PHF2: variants seen among roughly 807,000 people sequenced by gnomAD.
PHF2 encodes the protein PHD finger protein 2.
PHF2 carries 27 observed loss-of-function variants against 120.5 expected under a neutral mutation model. The ratio of observed to expected loss-of-function variants is 0.22; its 90% CI spans 0.17 to 0.31. PHF2 has a LOEUF of 0.31. Ranked by LOEUF, PHF2 falls within the 10% of genes least tolerant of loss-of-function variation. The pLI is 1.00. For synonymous variants in PHF2, 568 were observed against 592.5 expected (o/e 0.96, Z 0.60); for missense variants, 1,024 against 1,434.8 (o/e 0.71, Z 4.63).
At chr9:93,587,472 G>A (rs545227969) in intron 1 of PHF2, among the ~76,000 whole-genome samples, 5 of 150,048 alleles carry the variant, frequency 3.3e-5, no homozygotes, top group Non-Finnish European at 5.9e-5. Context: ...GGATGGAGGA[G>A]CCCCGGGTGA....
At chr9:93,666,803 A>G (rs2118046091) in intron 16 of PHF2, among the ~76,000 whole-genome samples, 1 of 152,294 alleles carries the variant, frequency 6.6e-6, no homozygotes, top group Non-Finnish European at 1.5e-5. Context: ...GTGAGCCTGT[A>G]GTCCCAGCTA....
intron 3 of PHF2, among the ~76,000 whole-genome samples, chr9:93,638,248 T>C (rs1826123355): frequency 6.6e-6 from 1 of 152,216 alleles, no homozygotes; most frequent in South Asian, 2.1e-4. Context: ...CTTTTTACTT[T>C]CTTGATAGTG....
chr9:93,649,995 CGTG>C (rs1050866510), intron 5 of PHF2, among the ~76,000 whole-genome samples: 11 of 150,934 alleles, frequency 7.3e-5, no homozygotes, highest in East Asian at 5.8e-4. Context: ...CTCACCAACA[CGTG>C]GTACACTCAC....
chr9:93,599,760 G>A (rs1276067837), intron 1 of PHF2, among the ~76,000 whole-genome samples: 2 of 152,212 alleles, frequency 1.3e-5, no homozygotes, highest in African/African-American at 2.4e-5. Flanking sequence ...AGGGGGATTC[G>A]GAGCACGAAA....
Position 93,660,472 on chromosome 9 carries a change from C to T in PHF2, c.1610C>T (p.Ser537Leu), listed in dbSNP as rs1299839263. The change falls in exon 12 of 22, where the codon TCA (serine) becomes TTA (leucine). Residue 537 changes from serine (S) to leucine (L), a missense_variant. Ser to Leu is a moderately radical substitution (Grantham distance 145). Around this residue, in one of 2 missense-constraint regions of PHF2, gnomAD observed 677 missense variants for 857.4 expected, o/e 0.79. Transcript: ENST00000359246. The stretch of plus-strand genomic sequence containing the variant: ...AAGAAAGGGAAGAAGTCCCGGGAGT[C>T]AGCCTCACCCACCATCCCCAACCTG... ...GKKKGKKSRE[S>L]ASPTIPNLDL... 1 of 1,591,150 alleles carries T rather than the reference C, an allele frequency of 6.3e-7. No individual in the cohort carries two copies. The highest frequency in any genetic ancestry group is 1.8e-5 in the Admixed American group (1 of 56,768).
At chr9:93,597,210 T>G (rs1345791207) in intron 1 of PHF2, among the ~76,000 whole-genome samples, 5 of 152,184 alleles carry the variant, frequency 3.3e-5, no homozygotes, top group African/African-American at 1.2e-4. Context: ...ATTACAGGTG[T>G]GAGCCATCGC....
At chr9:93,662,226 G>T (rs1162298253) in intron 12 of PHF2, among the ~76,000 whole-genome samples, 2 of 151,936 alleles carry the variant, frequency 1.3e-5, no homozygotes, top group Non-Finnish European at 2.9e-5. Context: ...TGAACAAATG[G>T]ATGGGTGGAT....
intron 17 of PHF2, among the ~76,000 whole-genome samples, chr9:93,669,070 C>T (rs1323099147): frequency 6.6e-6 from 1 of 152,210 alleles, no homozygotes; most frequent in Non-Finnish European, 1.5e-5. Context: ...TTTTCCATGC[C>T]GACTAGTTAG....
intron 4 of PHF2, 68 bp downstream of exon 4, chr9:93,645,857 C>A: frequency 6.8e-7 from 1 of 1,478,182 alleles, no homozygotes; most frequent in Non-Finnish European, 9.1e-7. Flanking sequence ...CACCACTGTG[C>A]ATGCTGTTTC....
At chr9:93,603,497 C>G (rs1415025985) in intron 1 of PHF2, among the ~76,000 whole-genome samples, 1 of 152,168 alleles carries the variant, frequency 6.6e-6, no homozygotes, top group African/African-American at 2.4e-5. Context: ...CACTGTTCCC[C>G]TCTGGGCCAG....
intron 1 of PHF2, among the ~76,000 whole-genome samples, chr9:93,594,044 T>C (rs946156288): frequency 2.0e-5 from 3 of 151,990 alleles, no homozygotes; most frequent in African/African-American, 7.3e-5. Flanking sequence ...GGACTGTGGG[T>C]TTTATAGACA....
chr9:93,653,291 A>G lies in PHF2; in HGVS notation c.715A>G (p.Ile239Val), dbSNP rs200087312. Reference sequence around the variant, plus strand: ...GCCCAAAGTGACCAAGTACTGCCTAATCTGCGTGAAGGACAGTTACACCGA... The same window carrying G: ...GCCCAAAGTGACCAAGTACTGCCTAGTCTGCGTGAAGGACAGTTACACCGA... ...AKPKVTKYCLICVKDSYTDFH... is the reference protein window; with the variant it reads ...AKPKVTKYCLVCVKDSYTDFH... Residue 239 changes from isoleucine (I) to valine (V), a missense_variant, in exon 6 of 22, where the codon ATC (isoleucine) becomes GTC (valine). Transcript: ENST00000359246. 59 of 1,613,992 alleles carry G rather than the reference A, an allele frequency of 3.7e-5. No homozygotes were observed.
At chr9:93,619,498 A>G (rs1270879099) in intron 1 of PHF2, among the ~76,000 whole-genome samples, 2 of 152,326 alleles carry the variant, frequency 1.3e-5, no homozygotes, top group East Asian at 3.9e-4. Flanking sequence ...GGGGTGGTGG[A>G]TGCGGGCCTT....
intron 1 of PHF2, among the ~76,000 whole-genome samples, chr9:93,613,445 C>T (rs867266881): frequency 2.2e-4 from 33 of 151,852 alleles, no homozygotes; most frequent in African/African-American, 7.5e-4. Flanking sequence ...TAGGGTTGGC[C>T]AAGGGCCCTA....
At chr9:93,601,668 C>T (rs1047818165) in intron 1 of PHF2, among the ~76,000 whole-genome samples, 6 of 152,008 alleles carry the variant, frequency 3.9e-5, no homozygotes, top group African/African-American at 1.4e-4. Context: ...GGGAGGGCCT[C>T]AGCAAGGTCT....
intron 2 of PHF2, among the ~76,000 whole-genome samples, chr9:93,632,621 A>G (rs1246168860): frequency 1.3e-5 from 2 of 152,248 alleles, no homozygotes; most frequent in East Asian, 3.9e-4. Flanking sequence ...CTCTTTTATA[A>G]GGACACTAAT....
chr9:93,675,025 A>G lies in PHF2; in HGVS notation c.2722+3A>G. The G allele has an allele frequency of 6.2e-7, 1 of 1,610,576 alleles. No individual in the cohort carries two copies. The highest frequency in any genetic ancestry group is 8.5e-7 in the Non-Finnish European group (1 of 1,177,338). The stretch of plus-strand genomic sequence containing the variant: ...CGACGCTCCCTACAGCCCAACAGGT[A>G]GTGCTGGGACAGGGGTAGGGGGTCC... On this transcript the variant is annotated splice_donor_region_variant and intron_variant, in intron 19 of 21. Transcript: ENST00000359246.
Position 93,667,211 on chromosome 9 carries a change from G to T in PHF2, c.2319G>T (p.Glu773Asp). Residue 773 changes from glutamate (E) to aspartate (D), a missense_variant, in exon 17 of 22, where the codon GAG (glutamate) becomes GAT (aspartate). Glu to Asp is a conservative substitution (Grantham distance 45, BLOSUM62 2). Coordinates refer to ENST00000359246, the MANE Select transcript of PHF2 (RefSeq NM_005392.4). ...TGGACCTGCTGCAGGCCAGTGAGGA[G>T]GTTGGCGCGCTGGAGTACAACCCCA... ...GILDLLQASE[E>D]VGALEYNPSS... The T allele has an allele frequency of 6.2e-7, 1 of 1,612,094 alleles. No homozygotes were observed. Among genetic ancestry groups the T allele is most frequent in the Non-Finnish European group, 8.5e-7 (1 of 1,179,598 alleles).
rs371804489 is a variant in PHF2 at position 93,676,581 on chromosome 9, G to A, written c.2833-13G>A. On this transcript the variant is annotated splice_polypyrimidine_tract_variant and intron_variant, in intron 20 of 21. Transcript: ENST00000359246. ...CTGTGCGTCTGAGGCTGCCCTGCAT[G>A]TTTTGTTCAAAGGAGGAGCAGAAAA... 1.6e-5 allele frequency: 26 copies of A among 1,579,854 alleles called. No homozygotes were observed. The African/African-American group carries it at 2.8e-4, about 17-fold the overall frequency.
Sources: gnomAD v4.1 joint callset for allele counts (sites outside exome capture counted in the v4.1 genomes callset) on GRCh38, gnomAD v4.1.1 for gene constraint, gnomAD v4.1.1 regional missense constraint, MANE v1.5 for transcripts, NCBI Gene and HGNC (gene_info 2026-07-23, HGNC 2026-07-21) for gene names.